SIN3A: variants seen among roughly 807,000 people sequenced by gnomAD.
The protein encoded by SIN3A is paired amphipathic helix protein Sin3a.
A neutral mutation model predicts 146.1 loss-of-function variants in SIN3A; 14 were observed. The ratio of observed to expected loss-of-function variants is 0.10; its 90% confidence interval spans 0.06 to 0.15. SIN3A has a LOEUF of 0.15. Among genes scored for constraint, SIN3A ranks in the 10% least tolerant of loss-of-function variants. SIN3A has a pLI of 1.00. For missense variants in SIN3A, 1,028 were observed against 1,576.0 expected, an observed-to-expected ratio of 0.65 and a Z score of 5.89; for synonymous variants, 572 against 572.0, an observed-to-expected ratio of 1.00 and a Z score of 0.00.
At chr15:75,414,604 A>T (rs2073700259) in intron 3 of SIN3A, among the ~76,000 whole-genome samples, 1 of 152,230 alleles carries the variant, frequency 6.6e-6, no homozygotes, top group African/African-American at 2.4e-5. Context: ...GTATCTACTA[A>T]ACTGCAACAT....
intron 19 of SIN3A, chr15:75,376,258 TTTTCA>T (rs2141370252): frequency 4.8e-6 from 1 of 208,982 alleles, no homozygotes; most frequent in African/African-American, 2.3e-5. Context: ...CATGAATATT[TTTTCA>T]TTTCATGATA....
chr15:75,390,840 T>C (rs2073186920), intron 15 of SIN3A, among the ~76,000 whole-genome samples: 2 of 152,212 alleles, frequency 1.3e-5, no homozygotes, highest in South Asian at 4.1e-4. Flanking sequence ...CCTCCCAAAG[T>C]GCTGGGATTA....
At chr15:75,452,279 A>G (rs763040030), upstream of SIN3A, among the ~76,000 whole-genome samples, 1 of 152,226 alleles carries the variant, frequency 6.6e-6, no homozygotes, top group Non-Finnish European at 1.5e-5. Context: ...CTGCGCGAGG[A>G]GGCTGAACCT....
intron 17 of SIN3A, among the ~76,000 whole-genome samples, chr15:75,382,547 A>G (rs2072991937): frequency 6.6e-6 from 1 of 152,220 alleles, no homozygotes; most frequent in African/African-American, 2.4e-5. Flanking sequence ...AAACAACCTA[A>G]ATGTCCACCA....
intron 15 of SIN3A, among the ~76,000 whole-genome samples, chr15:75,391,978 C>T (rs1197421820): frequency 6.6e-6 from 1 of 152,212 alleles, no homozygotes; most frequent in Non-Finnish European, 1.5e-5. Context: ...GAGAAATTAA[C>T]TGTGATACCC....
Position 75,375,647 on chromosome 15 carries a change from T to C in SIN3A, c.3591+18A>G. 1 of 1,607,560 alleles carries C rather than the reference T, an allele frequency of 6.2e-7. No individual in the cohort carries two copies. Among genetic ancestry groups the C allele is most frequent in the Non-Finnish European group, 8.5e-7 (1 of 1,174,026 alleles). On this transcript the variant is annotated intron_variant, in intron 20 of 20. Transcript: ENST00000394947. ...AGGGTGGGAGATGTGTACAGAAATT[T>C]CAGTTACTGGTTCTCACCTGATGAG...
intron 3 of SIN3A, among the ~76,000 whole-genome samples, 160 bp from the exon 4 acceptor site, chr15:75,414,471 TAAACTC>T (rs2073698588): frequency 6.6e-6 from 1 of 152,104 alleles, no homozygotes; most frequent in Non-Finnish European, 1.5e-5. Flanking sequence ...ATACCAATAA[TAAACTC>T]AAGCTTAAAA....
rs556625136 is a variant in SIN3A at position 75,409,508 on chromosome 15, T to C, written c.1317+328A>G. Among the ~76,000 whole-genome samples the C allele has an allele frequency of 1.7e-3, 255 of 150,802 alleles. 1 individual carries two copies. The highest frequency in any genetic ancestry group is 3.0e-3 in the Non-Finnish European group (203 of 67,794). On this transcript the variant is annotated intron_variant, in intron 8 of 20. Coordinates refer to ENST00000394947, the MANE Select transcript of SIN3A (RefSeq NM_001145358.2). ...TTGGGAGGCCGAGGCGGGCAGATCA[T>C]GAGGTCAGGAGATCGAGACCATCCT...
At chr15:75,395,831 G>A (rs1295819128) in intron 13 of SIN3A, among the ~76,000 whole-genome samples, 6 of 152,154 alleles carry the variant, frequency 3.9e-5, no homozygotes, top group African/African-American at 1.4e-4. Context: ...CCTGAGCCTG[G>A]GAAGTTGAGG....
intron 17 of SIN3A, 88 bp from the exon 18 acceptor site, chr15:75,381,793 A>C (rs2072977103): frequency 2.8e-6 from 3 of 1,085,070 alleles, no homozygotes; most frequent in East Asian, 4.8e-5. Context: ...CAGAGGCAAT[A>C]AACTTAGTAA....
At chr15:75,445,465 G>C (rs1363418435) in intron 1 of SIN3A, among the ~76,000 whole-genome samples, 1 of 150,474 alleles carries the variant, frequency 6.6e-6, no homozygotes, top group East Asian at 1.9e-4. Context: ...TAAGGCAGAA[G>C]AATCACTTGA....
chr15:75,372,070 G>C lies in SIN3A; in HGVS notation c.3731C>G (p.Pro1244Arg), dbSNP rs926810598. The change falls in exon 21 of 21, where the codon CCC becomes CGC. Residue 1244 changes from proline to arginine, a missense_variant. Coordinates refer to ENST00000394947, the MANE Select transcript of SIN3A (RefSeq NM_001145358.2). ...LMGEGLEGLVPCTTTCDTETL... is the reference protein window; with the variant it reads ...LMGEGLEGLVRCTTTCDTETL... ...CTCTGTATCACAGGTGGTGGTACAGGGCACCAGGCCCTCCAGCCCCTCACC... is the reference window on the plus strand; with the variant it reads ...CTCTGTATCACAGGTGGTGGTACAGCGCACCAGGCCCTCCAGCCCCTCACC... 3.7e-6 allele frequency: 6 copies of C among 1,614,124 alleles called. No individual in the cohort carries two copies. The highest frequency in any genetic ancestry group is 5.1e-6 in the Non-Finnish European group (6 of 1,180,012).
At chr15:75,435,588 C>T (rs1318849177) in intron 1 of SIN3A, among the ~76,000 whole-genome samples, 1 of 151,608 alleles carries the variant, frequency 6.6e-6, no homozygotes, top group Admixed American at 6.6e-5. Context: ...ATCCCAGTTA[C>T]TCAGGAGGCT....
chr15:75,390,420 C>A (rs964271841), intron 15 of SIN3A, among the ~76,000 whole-genome samples: 1 of 152,224 alleles, frequency 6.6e-6, no homozygotes, highest in Non-Finnish European at 1.5e-5. Flanking sequence ...TGCATTAAAT[C>A]ATCTGTAGTT....
chr15:75,422,744 G>A lies in SIN3A; in HGVS notation c.269C>T (p.Ala90Val), dbSNP rs915243182. The A allele has an allele frequency of 1.9e-5, 31 of 1,614,076 alleles. No homozygotes were observed. The highest frequency in any genetic ancestry group is 4.0e-5 in the African/African-American group (3 of 74,932). The change falls in exon 3 of 21, where the codon GCG (alanine) becomes GTG (valine). Residue 90 changes from alanine (A) to valine (V), a missense_variant. Ala to Val is a moderately conservative substitution (Grantham distance 64). This residue lies in a region of SIN3A where 152 missense variants were observed against 231.5 expected (regional missense o/e 0.66). Coordinates refer to ENST00000394947, the MANE Select transcript of SIN3A (RefSeq NM_001145358.2). ...AVHSSHHHPT[A>V]VQPHGGQVVQ... ...CACCTGGCCTCCGTGGGGCTGCACC[G>A]CTGTTGGGTGATGATGGCTGCTATG... is the stretch of plus-strand genomic sequence containing the variant.
chr15:75,424,629 C>T (rs768258993), intron 2 of SIN3A, among the ~76,000 whole-genome samples: 2 of 152,098 alleles, frequency 1.3e-5, no homozygotes, highest in Non-Finnish European at 2.9e-5. Flanking sequence ...CATGTACCAC[C>T]ATGCCTGGTT....
At chr15:75,386,842 C>G (rs1278089733) in intron 16 of SIN3A, among the ~76,000 whole-genome samples, 1 of 152,116 alleles carries the variant, frequency 6.6e-6, no homozygotes, top group African/African-American at 2.4e-5. Flanking sequence ...AATGTAATGG[C>G]TTCACTTGGC....
At chr15:75,389,225 C>G (rs1016208964) in intron 16 of SIN3A, among the ~76,000 whole-genome samples, 2 of 151,962 alleles carry the variant, frequency 1.3e-5, no homozygotes, top group Admixed American at 6.6e-5. Context: ...CTTTAAGAGG[C>G]CAAGACAGGA....
chr15:75,452,031 A>C (rs1006226886), upstream of SIN3A, among the ~76,000 whole-genome samples: 1 of 152,142 alleles, frequency 6.6e-6, no homozygotes, highest in Non-Finnish European at 1.5e-5. Flanking sequence ...TCTCAGCCAC[A>C]GGCCTAACAA....
Sources: allele counts gnomAD v4.1 joint callset (sites outside exome capture counted in the v4.1 genomes callset), GRCh38; gene constraint gnomAD v4.1.1; regional missense constraint gnomAD v4.1.1; transcripts MANE v1.5; gene names NCBI Gene and HGNC (gene_info 2026-07-23, HGNC 2026-07-21).